PCDHGB1: variants seen among roughly 807,000 people sequenced by gnomAD.
PCDHGB1 encodes the protein protocadherin gamma subfamily B, 1, also known as protocadherin gamma-B1.
In PCDHGB1, 34 loss-of-function variants were observed where a neutral mutation model predicts 56.6. That is an observed-to-expected ratio of 0.60 (90% confidence interval 0.46 to 0.80). The LOEUF (loss-of-function observed/expected upper bound fraction) is 0.80, where lower values mean the gene tolerates loss of function less well. PCDHGB1 is among the 30% of genes least tolerant of loss of function. The pLI is 0.00. For synonymous variants in PCDHGB1, 561 were observed against 505.9 expected (o/e 1.11, Z -1.46); for missense variants, 1,278 against 1,204.6 (o/e 1.06, Z -0.90).
chr5:141,447,226 G>A (rs746777844), intron 1 of PCDHGB1, among the ~76,000 whole-genome samples: 1 of 151,910 alleles, frequency 6.6e-6, no homozygotes, highest in Non-Finnish European at 1.5e-5. Context: ...TGCAACCTCC[G>A]CCTCCCGGGT....
intron 2 of PCDHGB1, among the ~76,000 whole-genome samples, chr5:141,496,352 G>A (rs2099768243): frequency 2.0e-5 from 3 of 152,200 alleles, no homozygotes; most frequent in South Asian, 2.1e-4. Context: ...GAGTCTCAGA[G>A]CCCAGGGAGA....
rs1036344847 is a variant in PCDHGB1 at position 141,424,050 on chromosome 5, C to G, written c.2410-70757C>G. 9.9e-6 allele frequency: 10 copies of G among 1,014,084 alleles called. No homozygotes were observed. The African/African-American group carries it at 1.6e-4, about 16-fold the overall frequency. The allele number at this position is 1,014,084 out of a possible 1,614,324, so 62.8% of individuals were successfully genotyped here. A position where few individuals can be genotyped will look rare whatever the true frequency, so the allele number is the denominator to read the frequency against. ...ACTTTTTATTTCCATTTCAATTTTG[C>G]TGTGCCTTCACTGATTTGTAGTTAT... On this transcript the variant is annotated intron_variant, in intron 1 of 3. Coordinates refer to ENST00000523390, the MANE Select transcript of PCDHGB1 (RefSeq NM_018922.3).
intron 1 of PCDHGB1, chr5:141,400,004 G>T (rs750835037): frequency 2.5e-6 from 4 of 1,612,420 alleles, no homozygotes; most frequent in East Asian, 2.2e-5. Flanking sequence ...CGCACAGCGC[G>T]TGCCTTGGGC....
At chr5:141,443,631 T>C (rs541727440) in intron 1 of PCDHGB1, among the ~76,000 whole-genome samples, 1 of 152,332 alleles carries the variant, frequency 6.6e-6, no homozygotes, top group South Asian at 2.1e-4. Context: ...ATTGTAAAAA[T>C]TGATCCAGAT....
intron 1 of PCDHGB1, chr5:141,400,280 CCG>C (rs769084717): frequency 1.2e-5 from 19 of 1,613,948 alleles, no homozygotes; most frequent in Non-Finnish European, 1.4e-5. Context: ...TCCAGCCCTG[CCG>C]CCTGGAGCTG....
rs368564960 is a variant in PCDHGB1 at position 141,408,437 on chromosome 5, G to T, written c.2409+55768G>T. Reference sequence around the variant, plus strand: ...GGAGAAGCTGCACTTCAGCGTAGACGCGGAGAGCGGGGACTTACTTGTGAA... The same window carrying T: ...GGAGAAGCTGCACTTCAGCGTAGACTCGGAGAGCGGGGACTTACTTGTGAA... On this transcript the variant is annotated intron_variant, in intron 1 of 3. Transcript: ENST00000523390. The T allele has an allele frequency of 1.3e-5, 21 of 1,613,950 alleles. No homozygotes were observed. Among genetic ancestry groups the T allele is most frequent in the Non-Finnish European group, 1.6e-5 (19 of 1,179,918 alleles).
intron 1 of PCDHGB1, chr5:141,365,748 CTG>C: frequency 6.2e-7 from 1 of 1,613,834 alleles, no homozygotes; most frequent in Non-Finnish European, 8.5e-7. Context: ...TCTATCTTCT[CTG>C]TGACAGCCCA....
intron 1 of PCDHGB1, chr5:141,370,299 G>A (rs914086562): frequency 8.6e-7 from 1 of 1,160,314 alleles, no homozygotes; most frequent in African/African-American, 1.5e-5. Flanking sequence ...CAAGCACAAA[G>A]ACAAAGCAAA....
chr5:141,398,738 A>G, intron 1 of PCDHGB1: 1 of 1,613,880 alleles, frequency 6.2e-7, no homozygotes, highest in Admixed American at 1.7e-5. Flanking sequence ...GACCGGGAAC[A>G]ACAGAGTTAC....
At chr5:141,386,804 A>G (rs976518864) in intron 1 of PCDHGB1, among the ~76,000 whole-genome samples, 3 of 152,238 alleles carry the variant, frequency 2.0e-5, no homozygotes, top group Non-Finnish European at 2.9e-5. Context: ...AATTTATTAG[A>G]TGCATAAAAT....
chr5:141,408,904 T>C (rs779095615), intron 1 of PCDHGB1: 14 of 1,613,246 alleles, frequency 8.7e-6, no homozygotes, highest in Admixed American at 3.3e-5. Flanking sequence ...CTGTCAAGGA[T>C]ACCAATGATA....
At chr5:141,410,631 C>A (rs1227907799) in intron 1 of PCDHGB1, 1 of 1,600,936 alleles carries the variant, frequency 6.2e-7, no homozygotes, top group East Asian at 2.2e-5. Context: ...GTGAGTTTCT[C>A]TTTTTTGTGT....
chr5:141,415,755 T>C (rs753465209), intron 1 of PCDHGB1: 19 of 1,387,632 alleles, frequency 1.4e-5, no homozygotes, highest in Middle Eastern at 2.6e-4. Flanking sequence ...TTTTTTTTTT[T>C]TTTTTTTTTT....
rs757157488 is a variant in PCDHGB1 at position 141,477,668 on chromosome 5, A to G, written c.2410-17139A>G. ...TTTCACAATAAATCGTGACAATGGC[A>G]TAGTGTCATCCTTAGTGCCCCTAGA... On this transcript the variant is annotated intron_variant, in intron 1 of 3. Coordinates refer to ENST00000523390, the MANE Select transcript of PCDHGB1 (RefSeq NM_018922.3). The surrounding 1 kb of genome is among the most constrained non-coding windows in gnomAD (Gnocchi z 4.9). 10 of 1,614,104 alleles carry G rather than the reference A, an allele frequency of 6.2e-6. No individual in the cohort carries two copies. Among genetic ancestry groups the G allele is most frequent in the Non-Finnish European group, 8.5e-6 (10 of 1,180,046 alleles).
chr5:141,395,115 C>T (rs1380601635), intron 1 of PCDHGB1: 1 of 1,614,192 alleles, frequency 6.2e-7, no homozygotes. Context: ...GAAGAGTCAC[C>T]TGATCTTTCC....
chr5:141,404,705 G>A, intron 1 of PCDHGB1: 2 of 1,614,108 alleles, frequency 1.2e-6, no homozygotes, highest in South Asian at 2.2e-5. Flanking sequence ...TGCAGAGCCT[G>A]GCTACCTGGT....
At chr5:141,473,966 G>A (rs1268822103) in intron 1 of PCDHGB1, among the ~76,000 whole-genome samples, 3 of 152,174 alleles carry the variant, frequency 2.0e-5, no homozygotes, top group Non-Finnish European at 4.4e-5. Context: ...CTACTTAGAA[G>A]TCTGAGGCGG....
intron 1 of PCDHGB1, chr5:141,371,023 T>A: frequency 6.2e-7 from 1 of 1,614,008 alleles, no homozygotes. Flanking sequence ...CATCACCACC[T>A]GGTCCTCACA....
At chr5:141,472,980 C>CAAAAAAAAAAAAAAAAGAAAA (rs2099308501) in intron 1 of PCDHGB1, among the ~76,000 whole-genome samples, 1 of 86,106 alleles carries the variant, frequency 1.2e-5, no homozygotes, top group Non-Finnish European at 2.5e-5. Context: ...GAGTGAAACT[C>CAAAAAAAAAAAAAAAAGAAAA]AAAAAAAAAA....
Sources: allele counts gnomAD v4.1 joint callset (sites outside exome capture counted in the v4.1 genomes callset), GRCh38; gene constraint gnomAD v4.1.1; non-coding constraint Gnocchi (gnomAD v3.1); transcripts MANE v1.5; gene names NCBI Gene and HGNC (gene_info 2026-07-23, HGNC 2026-07-21).